The following COL17A1 variants were observed in gnomAD, a reference collection of about 807,000 sequenced individuals.
COL17A1 encodes the protein collagen type XVII alpha 1 chain.
Under a neutral mutation model 218.4 loss-of-function variants are expected in COL17A1, and 181 were observed. The ratio of observed to expected loss-of-function variants is 0.83; its 90% CI spans 0.73 to 0.94. COL17A1 has a LOEUF of 0.94. Ranked by LOEUF, COL17A1 falls within the 40% of genes least tolerant of loss-of-function variation. The probability of loss-of-function intolerance (pLI) is 0.00; values close to 1 mark genes in which losing one functional copy is unlikely to be tolerated. For missense variants in COL17A1, 1,924 were observed against 1,945.9 expected, an observed-to-expected ratio of 0.99 and a Z score of 0.21; for synonymous variants, 721 against 731.0, an observed-to-expected ratio of 0.99 and a Z score of 0.22.
intron 22 of COL17A1, 70 bp from the exon 23 acceptor site, chr10:104,053,205 C>T: frequency 6.4e-7 from 1 of 1,561,116 alleles, no homozygotes; most frequent in South Asian, 1.1e-5. Flanking sequence ...CAGGCAGCCT[C>T]CCACGGCAGA....
chr10:104,035,453 A>C, intron 49 of COL17A1, 21 bp downstream of exon 49: 5 of 1,613,720 alleles, frequency 3.1e-6, no homozygotes, highest in Non-Finnish European at 4.2e-6. Context: ...AGTTGGACAG[A>C]TGTCCCCTGC....
Position 104,041,465 on chromosome 10 carries a change from A to G in COL17A1, c.2605+20T>C, listed in dbSNP as rs368811289. The G allele has an allele frequency of 5.0e-6, 8 of 1,603,072 alleles. No homozygotes were observed. In the African/African-American group the frequency reaches 1.1e-4, roughly 22 times the overall value. On this transcript the variant is annotated intron_variant, in intron 37 of 55. Transcript: ENST00000648076. ...TGTCCCCCAAACTCCCCACCTTCCAAAGGTCTCCAAGATACTCACCTGGTG... is the reference window on the plus strand; with the variant it reads ...TGTCCCCCAAACTCCCCACCTTCCAGAGGTCTCCAAGATACTCACCTGGTG...
chr10:104,076,429 G>A lies in COL17A1; in HGVS notation c.203C>T (p.Thr68Ile). ...GGAGGCATGGCCTCGTGTGCTTCCA[G>A]CTGCAAGAGGGAAAAAGCATAAGTT... Reference protein sequence around the residue: ...THGSSGYINSTGSTRGHASTS... With the variant: ...THGSSGYINSIGSTRGHASTS... Residue 68 changes from threonine to isoleucine, a missense_variant and splice_region_variant, in exon 5 of 56, where the codon ACT (threonine) becomes ATT (isoleucine). Transcript: ENST00000648076. 1 of 1,614,020 alleles carries A rather than the reference G, an allele frequency of 6.2e-7. No homozygotes were observed. Among genetic ancestry groups the A allele is most frequent in the Non-Finnish European group, 8.5e-7 (1 of 1,179,910 alleles).
At chr10:104,077,734 GTT>G (rs2086724433) in intron 3 of COL17A1, among the ~76,000 whole-genome samples, 1 of 118,876 alleles carries the variant, frequency 8.4e-6, no homozygotes, top group Non-Finnish European at 1.9e-5. Flanking sequence ...GTTTTGTTTT[GTT>G]TTATACAAAT....
chr10:104,051,654 G>T, intron 24 of COL17A1, 138 bp from the exon 25 acceptor site: 1 of 1,053,590 alleles, frequency 9.5e-7, no homozygotes, highest in Non-Finnish European at 1.4e-6. Context: ...GGCCAGGGGT[G>T]ACCCCAGTGC....
chr10:104,056,838 A>G, intron 17 of COL17A1, 137 bp downstream of exon 17: 1 of 1,504,140 alleles, frequency 6.6e-7, no homozygotes, highest in Non-Finnish European at 8.9e-7. Context: ...CTGCGGTAAC[A>G]AGGGTCTGCA....
Position 104,037,689 on chromosome 10 carries a change from C to T in COL17A1, c.3155G>A (p.Gly1052Asp), listed in dbSNP as rs1478825167. The T allele has an allele frequency of 6.2e-7, 1 of 1,614,166 alleles. No homozygotes were observed. Among genetic ancestry groups the T allele is most frequent in the Non-Finnish European group, 8.5e-7 (1 of 1,180,034 alleles). ...GPPGPVTTIT[G>D]ETFDYSELAS... ...CAGCTCTGAGTAGTCGAAAGTCTCG[C>T]CTGTGATGGTGGTGACAGGTCCTGG... Residue 1052 changes from glycine (G) to aspartate (D), a missense_variant, in exon 46 of 56, where the codon GGC becomes GAC. Transcript: ENST00000648076.
intron 34 of COL17A1, 77 bp from the exon 35 acceptor site, chr10:104,043,658 G>C: frequency 6.5e-7 from 1 of 1,546,660 alleles, no homozygotes; most frequent in Non-Finnish European, 8.9e-7. Flanking sequence ...CCAGGTTGTG[G>C]TGGGCAGCCT....
At chr10:104,046,373 A>G (rs1460597497) in intron 32 of COL17A1, among the ~76,000 whole-genome samples, 2 of 152,202 alleles carry the variant, frequency 1.3e-5, no homozygotes, top group Non-Finnish European at 2.9e-5. Context: ...GCTTTCCCGA[A>G]CAAGGATGAG....
Position 104,032,130 on chromosome 10 carries a change from CAGTA to C in COL17A1, c.*101_*104del. On this transcript the variant is annotated 3_prime_UTR_variant, in exon 56 of 56. Transcript: ENST00000648076. ...GCTAGCTAGGTTGGCTGTGCTGTCTCAGTAGGACATTGACAGACTCCAGCTTTCA... is the reference window on the plus strand; with the variant it reads ...GCTAGCTAGGTTGGCTGTGCTGTCTCGGACATTGACAGACTCCAGCTTTCA... 9.4e-6 allele frequency: 8 copies of C among 855,366 alleles called. No individual in the cohort carries two copies. Among genetic ancestry groups the C allele is most frequent in the Non-Finnish European group, 1.6e-5 (8 of 502,164 alleles). The allele number at this position is 855,366 out of a possible 1,614,324, so 53.0% of individuals were successfully genotyped here.
At chr10:104,036,063 A>AGTGT (rs1219345652) in intron 48 of COL17A1, among the ~76,000 whole-genome samples, 3 of 15,768 alleles carry the variant, frequency 1.9e-4, no homozygotes, top group African/African-American at 6.6e-4. Context: ...TGTGTATGGG[A>AGTGT]GTATGTGTAT....
intron 24 of COL17A1, 150 bp from the exon 25 acceptor site, chr10:104,051,666 T>C (rs2086471170): frequency 2.1e-6 from 2 of 941,604 alleles, no homozygotes; most frequent in Non-Finnish European, 3.3e-6. Flanking sequence ...CCCCAGTGCA[T>C]GTCCTCCTTA....
chr10:104,080,338 A>G (rs577467801), intron 2 of COL17A1, among the ~76,000 whole-genome samples: 1 of 152,392 alleles, frequency 6.6e-6, no homozygotes, highest in East Asian at 1.9e-4. Flanking sequence ...AAAATAAACT[A>G]TGGTGAATTC....
intron 2 of COL17A1, among the ~76,000 whole-genome samples, chr10:104,079,521 C>T (rs1430431291): frequency 6.6e-6 from 1 of 152,176 alleles, no homozygotes; most frequent in Admixed American, 6.5e-5. Context: ...TGCTCCATCC[C>T]ACATGACTCT....
At chr10:104,080,478 A>C in intron 2 of COL17A1, 144 bp downstream of exon 2, 1 of 908,370 alleles carries the variant, frequency 1.1e-6, no homozygotes, top group Non-Finnish European at 1.7e-6. Flanking sequence ...CTGTCTTATG[A>C]GAAGGATTAA....
intron 3 of COL17A1, among the ~76,000 whole-genome samples, chr10:104,077,770 A>T (rs1171584279): frequency 2.0e-5 from 3 of 152,184 alleles, no homozygotes; most frequent in African/African-American, 7.2e-5. Context: ...ATTCCACCTG[A>T]TTTAAAAGAA....
chr10:104,063,574 T>C, intron 11 of COL17A1, 173 bp downstream of exon 11: 1 of 1,026,376 alleles, frequency 9.7e-7, no homozygotes, highest in Non-Finnish European at 1.5e-6. Flanking sequence ...CTGAGACTTT[T>C]CCCTTGGGGT....
At chr10:104,062,200 T>C in intron 12 of COL17A1, 58 bp downstream of exon 12, 2 of 1,613,796 alleles carry the variant, frequency 1.2e-6, no homozygotes, top group Non-Finnish European at 1.7e-6. Flanking sequence ...TTCAGTGAGT[T>C]GTAGCTGCAA....
chr10:104,036,562 G>T lies in COL17A1; in HGVS notation c.3348C>A (p.Ala1116=). The change falls in exon 48 of 56, where the codon GCC becomes GCA. Residue 1116 remains alanine (A), a synonymous_variant. Coordinates refer to ENST00000648076, the MANE Select transcript of COL17A1 (RefSeq NM_000494.4). Reference sequence around the variant, plus strand: ...AAGACAGGAGGGACCCATCTCCACTGGCTCCTGGTGGCCCTGGCGGACCCC... The same window carrying T: ...AAGACAGGAGGGACCCATCTCCACTTGCTCCTGGTGGCCCTGGCGGACCCC... ...GPRGPPGPPG[A]SGDGSLLSLD... The T allele has an allele frequency of 6.2e-7, 1 of 1,613,990 alleles. No homozygotes were observed. The highest frequency in any genetic ancestry group is 8.5e-7 in the Non-Finnish European group (1 of 1,179,936).
Sources: allele counts gnomAD v4.1 joint callset (sites outside exome capture counted in the v4.1 genomes callset), GRCh38; gene constraint gnomAD v4.1.1; transcripts MANE v1.5; gene names NCBI Gene and HGNC (gene_info 2026-07-23, HGNC 2026-07-21).